The following STX18 variants were observed in gnomAD, a reference collection of about 807,000 sequenced individuals.
The protein encoded by STX18 is syntaxin 18, also known as syntaxin-18.
In STX18, 40 loss-of-function variants were observed where a neutral mutation model predicts 50.1. That is an observed-to-expected ratio of 0.80 (90% CI 0.62 to 1.04). The LOEUF (loss-of-function observed/expected upper bound fraction) is 1.04, where lower values mean the gene tolerates loss of function less well. STX18 is among the 50% of genes least tolerant of loss of function. STX18 has a pLI of 0.00. For missense variants in STX18, 410 were observed against 415.8 expected, an observed-to-expected ratio of 0.99 and a Z score of 0.12; for synonymous variants, 158 against 151.8, an observed-to-expected ratio of 1.04 and a Z score of -0.30.
chr4:4,439,789 C>A (rs144503035), intron 5 of STX18, among the ~76,000 whole-genome samples: 1 of 152,134 alleles, frequency 6.6e-6, no homozygotes, highest in African/African-American at 2.4e-5. Flanking sequence ...TTCTTCCCCA[C>A]GGGCTCTTCC....
intron 5 of STX18, among the ~76,000 whole-genome samples, chr4:4,439,802 G>A (rs1437323333): frequency 1.3e-5 from 2 of 152,076 alleles, no homozygotes; most frequent in Non-Finnish European, 2.9e-5. Flanking sequence ...GCTCTTCCCA[G>A]GGCATCGTCT....
At chr4:4,539,552 G>A (rs1731484875) in intron 1 of STX18, among the ~76,000 whole-genome samples, 1 of 152,186 alleles carries the variant, frequency 6.6e-6, no homozygotes, top group Non-Finnish European at 1.5e-5. Context: ...TTTCCTCTAC[G>A]TCAGGGGGAC....
chr4:4,446,326 T>C (rs146327822), intron 5 of STX18, among the ~76,000 whole-genome samples: 1 of 151,934 alleles, frequency 6.6e-6, no homozygotes, highest in Non-Finnish European at 1.5e-5. Context: ...AAATTCAACT[T>C]CCTCAAAATT....
rs62289804 is a variant in STX18, at chr4:4,432,589, G to T, written c.702+2181C>A. 1.1e-3 allele frequency among the ~76,000 whole-genome samples: 160 copies of T among 152,328 alleles called. No homozygotes were observed. The Middle Eastern group carries it at 0.031, about 29-fold the overall frequency. On this transcript the variant is annotated intron_variant, in intron 7 of 10. Coordinates refer to ENST00000306200, the MANE Select transcript of STX18 (RefSeq NM_016930.4). ...ACTCAAACTTTAGCCCCACCTGTGGGGTGGCCATTTTTTGCCCATCTCACA... is the reference window on the plus strand; with the variant it reads ...ACTCAAACTTTAGCCCCACCTGTGGTGTGGCCATTTTTTGCCCATCTCACA...
At chr4:4,431,413 C>T (rs1338296755) in intron 7 of STX18, among the ~76,000 whole-genome samples, 6 of 152,152 alleles carry the variant, frequency 3.9e-5, no homozygotes, top group South Asian at 4.1e-4. Flanking sequence ...GGCTGTAGGA[C>T]GGGAATATGA....
At chr4:4,445,516 A>C (rs561969324) in intron 5 of STX18, among the ~76,000 whole-genome samples, 1 of 152,286 alleles carries the variant, frequency 6.6e-6, no homozygotes, top group South Asian at 2.1e-4. Flanking sequence ...ATATACAAAA[A>C]TTAATTGTAT....
rs1724914287 is a variant in STX18, at chr4:4,420,863, CCT to C, written c.911_912del (p.Glu304GlyfsTer3). ...NIKEGNEDIR[E>X]AIKNNAGFRV... is the part of the protein sequence containing the mutation. ...ACCTGGGGAACCTAAACAGTGCCTA[CCT>C]CTCTTATGTCTTCGTTGCCTTCCTT... On this transcript the variant is annotated frameshift_variant and splice_region_variant, in exon 10 of 11. Transcript: ENST00000306200. LOFTEE classifies it high-confidence loss of function. This position sits in a 1 kb window ranked among gnomAD's most constrained non-coding sequence, Gnocchi z 4.3. 2 of 1,614,074 alleles carry C rather than the reference CCT, an allele frequency of 1.2e-6. No individual in the cohort carries two copies. Among genetic ancestry groups the C allele is most frequent in the Non-Finnish European group, 1.7e-6 (2 of 1,179,970 alleles).
chr4:4,524,263 T>G (rs1730648578), intron 1 of STX18, among the ~76,000 whole-genome samples: 1 of 152,232 alleles, frequency 6.6e-6, no homozygotes, highest in African/African-American at 2.4e-5. Context: ...GAATGCAATG[T>G]ACATCTCTTG....
chr4:4,438,603 C>G, intron 5 of STX18, 94 bp from the exon 6 acceptor site: 1 of 984,392 alleles, frequency 1.0e-6, no homozygotes, highest in Non-Finnish European at 1.5e-6. Context: ...TGCGCTTTTG[C>G]TCTGTGTCCC....
chr4:4,442,595 C>A (rs74667977), intron 5 of STX18, among the ~76,000 whole-genome samples: 2 of 151,930 alleles, frequency 1.3e-5, no homozygotes, highest in Admixed American at 6.6e-5. Flanking sequence ...CCAGCCTGGG[C>A]GAAAGAACGA....
intron 2 of STX18, among the ~76,000 whole-genome samples, chr4:4,464,212 G>A (rs1177696465): frequency 1.3e-5 from 2 of 152,116 alleles, no homozygotes; most frequent in Non-Finnish European, 2.9e-5. Context: ...GAGTCCTACG[G>A]TAAAATGCCA....
At chr4:4,447,512 A>T (rs1309795674) in intron 5 of STX18, among the ~76,000 whole-genome samples, 1 of 143,090 alleles carries the variant, frequency 7.0e-6, no homozygotes, top group Non-Finnish European at 1.5e-5. Context: ...AATGGCGTGA[A>T]CCCGGGAGGC....
At chr4:4,526,027 G>T (rs943225780) in intron 1 of STX18, among the ~76,000 whole-genome samples, 5 of 152,156 alleles carry the variant, frequency 3.3e-5, no homozygotes, top group African/African-American at 1.2e-4. Flanking sequence ...AAACTGGTGG[G>T]ATGATGGGGG....
chr4:4,465,583 G>C (rs11730122), intron 2 of STX18, among the ~76,000 whole-genome samples: 22,177 of 152,104 alleles, frequency 0.15, 1,670 homozygotes, highest in African/African-American at 0.17. Flanking sequence ...AGGCGGTGGG[G>C]AACAATACAA....
Position 4,505,374 on chromosome 4 carries a change from G to C in STX18, c.169-33668C>G, listed in dbSNP as rs117027607. 2.0e-3 allele frequency among the ~76,000 whole-genome samples: 306 copies of C among 152,334 alleles called. 3 individuals carry two copies. The East Asian group carries it at 0.026, about 13-fold the overall frequency. On this transcript the variant is annotated intron_variant, in intron 1 of 10. Coordinates refer to ENST00000306200, the MANE Select transcript of STX18 (RefSeq NM_016930.4). ...TGCTGGCAACACAGTACACTGCAAA[G>C]TATGGGTTGTTTACCCTCATAATTG... is the stretch of plus-strand genomic sequence containing the variant.
chr4:4,521,670 T>TA (rs200370379), intron 1 of STX18, among the ~76,000 whole-genome samples: 128 of 147,970 alleles, frequency 8.7e-4, no homozygotes, highest in African/African-American at 1.2e-3. Context: ...TAGTTGTCAT[T>TA]AAAAAAAAAA....
chr4:4,422,570 A>C (rs1476170208), intron 9 of STX18, among the ~76,000 whole-genome samples: 3 of 67,178 alleles, frequency 4.5e-5, no homozygotes, highest in African/African-American at 5.3e-4. Context: ...CTCTGTCTCC[A>C]AAAAAAAAAA....
chr4:4,531,033 T>C (rs531508754), intron 1 of STX18, among the ~76,000 whole-genome samples: 3 of 152,322 alleles, frequency 2.0e-5, no homozygotes, highest in South Asian at 4.1e-4. Flanking sequence ...AATGTATGTA[T>C]GAAACAAGGA....
chr4:4,450,950 G>A (rs1477609563), intron 5 of STX18, among the ~76,000 whole-genome samples: 1 of 152,228 alleles, frequency 6.6e-6, no homozygotes, highest in Non-Finnish European at 1.5e-5. Context: ...AGACTACAGT[G>A]CAGCAGACTT....
Sources: allele counts gnomAD v4.1 joint callset (sites outside exome capture counted in the v4.1 genomes callset), GRCh38; gene constraint gnomAD v4.1.1; non-coding constraint Gnocchi (gnomAD v3.1); transcripts MANE v1.5; gene names NCBI Gene and HGNC (gene_info 2026-07-23, HGNC 2026-07-21).